DMXL2: variants seen among roughly 807,000 people sequenced by gnomAD.
DMXL2 encodes the protein dmX-like protein 2.
DMXL2 carries 103 observed loss-of-function variants against 331.1 expected under a neutral mutation model. The observed-to-expected ratio is 0.31, with a 90% CI of 0.27 to 0.37. The LOEUF is 0.37. DMXL2 is among the 10% of genes least tolerant of loss of function. DMXL2 has a pLI of 1.00. For synonymous variants in DMXL2, 1,281 were observed against 1,252.1 expected (o/e 1.02, Z -0.49); for missense variants, 3,171 against 3,642.9 (o/e 0.87, Z 3.33).
At position 51,517,281 on chromosome 15, in the gene DMXL2, G is replaced by A; in HGVS notation, c.2437-114C>T. 1.3e-5 allele frequency: 9 copies of A among 705,712 alleles called. No homozygotes were observed. The South Asian group carries it at 1.5e-4, about 12-fold the overall frequency. 43.7% of individuals were successfully genotyped at this position (705,712 alleles called of 1,614,324 possible). ...TCTAAATATTCACTGATTGGCAATG[G>A]AATGTAATACATTCAAAGAAATACT... is the stretch of plus-strand genomic sequence containing the variant. On this transcript the variant is annotated intron_variant, in intron 13 of 43. Coordinates refer to ENST00000560891, the MANE Select transcript of DMXL2 (RefSeq NM_001378457.1).
intron 6 of DMXL2, among the ~76,000 whole-genome samples, chr15:51,558,935 T>C (rs191606704): frequency 3.9e-5 from 6 of 152,380 alleles, no homozygotes; most frequent in Admixed American, 3.9e-4. Flanking sequence ...CAATAATTTC[T>C]TTTGTAATGC....
chr15:51,542,546 C>A (rs768197916), intron 8 of DMXL2, 39 bp from the exon 9 acceptor site: 4 of 1,515,334 alleles, frequency 2.6e-6, no homozygotes, highest in Non-Finnish European at 3.6e-6. Context: ...AACTCTGGAA[C>A]CTCTAATAAA....
At chr15:51,616,903 C>T (rs1256047590) in intron 1 of DMXL2, among the ~76,000 whole-genome samples, 2 of 137,030 alleles carry the variant, frequency 1.5e-5, no homozygotes, top group Non-Finnish European at 1.5e-5. Context: ...CACCACTGCA[C>T]TCCAGCCTGG....
At chr15:51,479,657 C>A (rs2041864028) in intron 25 of DMXL2, among the ~76,000 whole-genome samples, 1 of 152,136 alleles carries the variant, frequency 6.6e-6, no homozygotes. Context: ...CTTAATGGTT[C>A]ATTTAAGGGG....
At chr15:51,476,853 T>C in intron 26 of DMXL2, 134 bp from the exon 27 acceptor site, 1 of 622,336 alleles carries the variant, frequency 1.6e-6, no homozygotes, top group Non-Finnish European at 2.5e-6. Flanking sequence ...CTAATAAAAA[T>C]TTATTTTAGA....
chr15:51,484,196 G>T (rs977596519), intron 23 of DMXL2, among the ~76,000 whole-genome samples: 1 of 152,098 alleles, frequency 6.6e-6, no homozygotes, highest in African/African-American at 2.4e-5. Flanking sequence ...GTAGCCGTGA[G>T]GCCACATATG....
At chr15:51,607,726 C>T (rs1282788786) in intron 1 of DMXL2, among the ~76,000 whole-genome samples, 1 of 151,986 alleles carries the variant, frequency 6.6e-6, no homozygotes, top group African/African-American at 2.4e-5. Flanking sequence ...TCAAAGGCAA[C>T]TAAGAGAAAA....
chr15:51,477,085 C>T (rs576809074), intron 26 of DMXL2, among the ~76,000 whole-genome samples: 1 of 152,162 alleles, frequency 6.6e-6, no homozygotes, highest in East Asian at 1.9e-4. Flanking sequence ...CAGAAAGTTT[C>T]AGGGACTAGT....
chr15:51,602,270 G>T (rs2141324906), intron 1 of DMXL2, among the ~76,000 whole-genome samples: 1 of 152,208 alleles, frequency 6.6e-6, no homozygotes, highest in Non-Finnish European at 1.5e-5. Flanking sequence ...TTGGCTCAAG[G>T]AATGGGAAAG....
chr15:51,586,868 G>A lies in DMXL2; in HGVS notation c.88-10687C>T, dbSNP rs1023609882. 1.3e-4 allele frequency among the ~76,000 whole-genome samples: 19 copies of A among 151,842 alleles called. No individual in the cohort carries two copies. The East Asian group carries it at 1.9e-3, about 15-fold the overall frequency. ...TGCATTCTCAATAAAAGGTAGATCC[G>A]GAAGTGGAAATCAAAAATCTTATAT... On this transcript the variant is annotated intron_variant, in intron 1 of 43. Coordinates refer to ENST00000560891, the MANE Select transcript of DMXL2 (RefSeq NM_001378457.1).
intron 1 of DMXL2, 132 bp downstream of exon 1, chr15:51,622,327 T>A (rs1362659562): frequency 8.2e-7 from 1 of 1,225,710 alleles, no homozygotes; most frequent in Non-Finnish European, 1.1e-6. Flanking sequence ...ACCCCAAGGC[T>A]GCAAAGGGGC....
intron 1 of DMXL2, among the ~76,000 whole-genome samples, chr15:51,586,220 C>T (rs191476919): frequency 8.9e-4 from 135 of 152,258 alleles, no homozygotes; most frequent in African/African-American, 2.6e-3. Context: ...AACCTAATAA[C>T]GACTGCTTGT....
intron 3 of DMXL2, chr15:51,567,678 T>C (rs1197022667): frequency 6.6e-6 from 1 of 152,030 alleles, no homozygotes; most frequent in East Asian, 1.9e-4. Context: ...GTGGCCAGAG[T>C]AGAACCAGAG....
chr15:51,492,225 A>T (rs1191316537), intron 19 of DMXL2, among the ~76,000 whole-genome samples: 4 of 152,078 alleles, frequency 2.6e-5, no homozygotes, highest in Admixed American at 2.6e-4. Context: ...AGGGGAAGGA[A>T]AGTGTGGTGA....
At chr15:51,544,310 T>C (rs908893265) in intron 8 of DMXL2, among the ~76,000 whole-genome samples, 2 of 152,088 alleles carry the variant, frequency 1.3e-5, no homozygotes, top group Admixed American at 6.6e-5. Context: ...CATTTAAAAA[T>C]GTGTGGCACC....
intron 13 of DMXL2, among the ~76,000 whole-genome samples, chr15:51,526,355 T>C (rs1352582661): frequency 1.3e-5 from 2 of 151,602 alleles, no homozygotes; most frequent in Non-Finnish European, 2.9e-5. Context: ...GGGCTTGGGG[T>C]CCCCCCAAAG....
chr15:51,459,936 T>C (rs891301657), intron 33 of DMXL2: 3 of 983,764 alleles, frequency 3.0e-6, no homozygotes, highest in Non-Finnish European at 3.6e-6. Flanking sequence ...TTTTAAGAAA[T>C]CTAAGTTACA....
At chr15:51,596,327 T>C (rs1567167622) in intron 1 of DMXL2, among the ~76,000 whole-genome samples, 2 of 152,138 alleles carry the variant, frequency 1.3e-5, no homozygotes, top group Admixed American at 6.5e-5. Flanking sequence ...AAAATGCTCA[T>C]CATCACTGGT....
intron 4 of DMXL2, 26 bp from the exon 5 acceptor site, chr15:51,564,286 A>G (rs2050138457): frequency 1.3e-6 from 2 of 1,509,962 alleles, no homozygotes; most frequent in East Asian, 2.4e-5. Flanking sequence ...TGTTATGATG[A>G]ATATGCAAAT....
Sources: gnomAD v4.1 joint callset for allele counts (sites outside exome capture counted in the v4.1 genomes callset) on GRCh38, gnomAD v4.1.1 for gene constraint, MANE v1.5 for transcripts, NCBI Gene and HGNC (gene_info 2026-07-23, HGNC 2026-07-21) for gene names.